The following NOL4 variants were observed in gnomAD, a reference collection of about 807,000 sequenced individuals.
The protein encoded by NOL4 is nucleolar protein 4.
NOL4 carries 17 observed loss-of-function variants against 75.9 expected under a neutral mutation model. The ratio of observed to expected loss-of-function variants is 0.22; its 90% CI spans 0.15 to 0.34. The LOEUF (loss-of-function observed/expected upper bound fraction) is 0.34, where lower values mean the gene tolerates loss of function less well. Among genes scored for constraint, NOL4 ranks in the 10% least tolerant of loss-of-function variants. The pLI, the probability that NOL4 is intolerant of heterozygous loss-of-function variation, is 1.00. For missense variants in NOL4, 614 were observed against 793.5 expected, an observed-to-expected ratio of 0.77 and a Z score of 2.72; for synonymous variants, 292 against 289.9, an observed-to-expected ratio of 1.01 and a Z score of -0.07.
chr18:34,016,308 A>G (rs937407611), intron 6 of NOL4, among the ~76,000 whole-genome samples: 11 of 151,984 alleles, frequency 7.2e-5, no homozygotes, highest in African/African-American at 2.7e-4. Flanking sequence ...TTCTCTCATT[A>G]CTTTTTTCTA....
intron 10 of NOL4, 89 bp from the exon 11 acceptor site, chr18:33,853,124 A>C: frequency 9.4e-7 from 1 of 1,059,782 alleles, no homozygotes; most frequent in Non-Finnish European, 1.3e-6. Context: ...TAGTTGAATG[A>C]ATTAATGAAT....
At chr18:34,024,194 A>AAAAAATATATATATAAAT in intron 5 of NOL4, among the ~76,000 whole-genome samples, 1 of 70,698 alleles carries the variant, frequency 1.4e-5, no homozygotes. Flanking sequence ...AAAAAAAAAA[A>AAAAAATATATATATAAAT]ATATATATAT....
intron 1 of NOL4, among the ~76,000 whole-genome samples, chr18:34,187,737 T>A (rs1270779871): frequency 6.6e-6 from 1 of 152,228 alleles, no homozygotes; most frequent in Non-Finnish European, 1.5e-5. Flanking sequence ...TATACCAGTT[T>A]ATTTAGCCAA....
At chr18:34,208,455 A>C (rs929508745) in intron 1 of NOL4, among the ~76,000 whole-genome samples, 32 of 152,166 alleles carry the variant, frequency 2.1e-4, no homozygotes, top group Non-Finnish European at 7.4e-5. Flanking sequence ...TAAAAAAAAA[A>C]AAACTCTCAG....
chr18:33,871,981 T>A (rs1007588867), intron 10 of NOL4, among the ~76,000 whole-genome samples: 2 of 152,028 alleles, frequency 1.3e-5, no homozygotes, highest in African/African-American at 4.8e-5. Context: ...AATTTTACTT[T>A]CAATTTTTCA....
At chr18:34,101,631 G>A (rs1195737997) in intron 4 of NOL4, among the ~76,000 whole-genome samples, 1 of 152,066 alleles carries the variant, frequency 6.6e-6, no homozygotes, top group Non-Finnish European at 1.5e-5. Context: ...TTCAATGTTA[G>A]CAGTTTTGTG....
At chr18:34,044,065 A>T (rs1348947127) in intron 5 of NOL4, among the ~76,000 whole-genome samples, 1 of 152,106 alleles carries the variant, frequency 6.6e-6, no homozygotes, top group Non-Finnish European at 1.5e-5. Flanking sequence ...CAGACTTCAT[A>T]GTCACGTTTA....
chr18:34,092,212 G>A (rs1010362175), intron 5 of NOL4, among the ~76,000 whole-genome samples: 1 of 151,668 alleles, frequency 6.6e-6, no homozygotes, highest in African/African-American at 2.4e-5. Context: ...AAAATCTGAG[G>A]AATGCCTACT....
At chr18:33,953,400 A>G (rs1211536037) in intron 8 of NOL4, among the ~76,000 whole-genome samples, 1 of 151,986 alleles carries the variant, frequency 6.6e-6, no homozygotes, top group Admixed American at 6.6e-5. Flanking sequence ...AGAGGGTAAG[A>G]GGAAAGTAGG....
intron 1 of NOL4, among the ~76,000 whole-genome samples, chr18:34,194,302 A>T (rs2035142521): frequency 6.6e-6 from 1 of 152,174 alleles, no homozygotes; most frequent in African/African-American, 2.4e-5. Context: ...TACATATTTC[A>T]AAACATGTTT....
At chr18:34,152,591 A>G (rs1323868375) in intron 1 of NOL4, among the ~76,000 whole-genome samples, 1 of 151,924 alleles carries the variant, frequency 6.6e-6, no homozygotes, top group Non-Finnish European at 1.5e-5. Flanking sequence ...TATTAAAAGA[A>G]AAAACAGCCA....
chr18:34,145,243 T>C (rs542825959), intron 1 of NOL4, among the ~76,000 whole-genome samples: 131 of 152,250 alleles, frequency 8.6e-4, no homozygotes, highest in Non-Finnish European at 1.6e-3. Flanking sequence ...AAGGTCAATA[T>C]AGCAATTTTA....
chr18:34,137,612 T>C (rs1201532363), intron 1 of NOL4, among the ~76,000 whole-genome samples: 1 of 152,092 alleles, frequency 6.6e-6, no homozygotes, highest in African/African-American at 2.4e-5. Flanking sequence ...AGGATTGCTA[T>C]ATTAAATAAC....
At chr18:33,984,797 T>C (rs1423345488) in intron 6 of NOL4, among the ~76,000 whole-genome samples, 3 of 152,094 alleles carry the variant, frequency 2.0e-5, no homozygotes, top group South Asian at 2.1e-4. Context: ...AATACACTGG[T>C]CAATTTTATC....
intron 5 of NOL4, among the ~76,000 whole-genome samples, chr18:34,029,003 A>G (rs2075495236): frequency 6.6e-6 from 1 of 151,674 alleles, no homozygotes; most frequent in African/African-American, 2.4e-5. Flanking sequence ...CCATCCTTCT[A>G]TTGAGCAATT....
chr18:33,948,491 T>C (rs903221179), intron 8 of NOL4, among the ~76,000 whole-genome samples: 9 of 151,966 alleles, frequency 5.9e-5, no homozygotes, highest in African/African-American at 1.4e-4. Flanking sequence ...AGCAGTGGAA[T>C]AGAGATAGTC....
intron 9 of NOL4, among the ~76,000 whole-genome samples, chr18:33,888,658 C>T (rs1158865215): frequency 2.0e-5 from 3 of 151,922 alleles, no homozygotes; most frequent in Non-Finnish European, 4.4e-5. Context: ...TTTCCCAGCA[C>T]CATTTATTAA....
At chr18:33,951,507 T>C (rs150600655) in intron 8 of NOL4, among the ~76,000 whole-genome samples, 194 of 152,288 alleles carry the variant, frequency 1.3e-3, no homozygotes, top group African/African-American at 4.5e-3. Context: ...GTTATTAGGA[T>C]TGAGGTCCAA....
chr18:33,862,006 C>T (rs938077880), intron 10 of NOL4, among the ~76,000 whole-genome samples: 1 of 152,162 alleles, frequency 6.6e-6, no homozygotes, highest in Non-Finnish European at 1.5e-5. Context: ...ATCATGCTAC[C>T]TGACTTCAAA....
Sources: gnomAD v4.1 joint callset for allele counts (sites outside exome capture counted in the v4.1 genomes callset) on GRCh38, gnomAD v4.1.1 for gene constraint, MANE v1.5 for transcripts, NCBI Gene and HGNC (gene_info 2026-07-23, HGNC 2026-07-21) for gene names.